Variants in FAM178B observed in about 807,000 individuals in gnomAD.
FAM178B encodes family with sequence similarity 178 member B.
FAM178B carries 82 observed loss-of-function variants against 91.7 expected under a neutral mutation model. That is an observed-to-expected ratio of 0.89 (90% confidence interval 0.75 to 1.07). The LOEUF (loss-of-function observed/expected upper bound fraction) is 1.07. FAM178B is among the 50% of genes least tolerant of loss of function. FAM178B has a pLI of 0.00. For synonymous variants in FAM178B, 368 were observed against 359.4 expected, an observed-to-expected ratio of 1.02 and a Z score of -0.27; for missense variants, 769 against 846.7, an observed-to-expected ratio of 0.91 and a Z score of 1.14.
rs1471497373 is a variant in FAM178B, at chr2:96,986,366, G to A, written c.-53C>T. On this transcript the variant is annotated 5_prime_UTR_variant, in exon 1 of 17. Coordinates refer to ENST00000490605, the MANE Select transcript of FAM178B (RefSeq NM_001122646.3). ...GAGGGAGGGTGGCGGGAATTCGCAC[G>A]GCCTCAGAGGACGGGGCCAGCTAGC... 8 of 1,521,058 alleles carry A rather than the reference G, an allele frequency of 5.3e-6. No homozygotes were observed. Among genetic ancestry groups the A allele is most frequent in the Non-Finnish European group, 7.0e-6 (8 of 1,140,682 alleles). The allele number at this position is 1,521,058 out of a possible 1,614,324, so 94.2% of individuals were successfully genotyped here.
chr2:96,958,065 ATCTTT>A (rs2082025098), intron 6 of FAM178B, among the ~76,000 whole-genome samples: 2 of 134,354 alleles, frequency 1.5e-5, no homozygotes, highest in South Asian at 5.1e-4. Context: ...GATTTGAAGA[ATCTTT>A]TTTTTTTTTT....
chr2:96,951,493 C>G lies in FAM178B; in HGVS notation c.888-9G>C. On this transcript the variant is annotated splice_polypyrimidine_tract_variant and intron_variant, in intron 6 of 16. Transcript: ENST00000490605. The stretch of plus-strand genomic sequence containing the variant: ...GTTGGGCTGGCGGGGAGCTGGGAGG[C>G]AGAGGGCTGAGGTTAGGGGAGGCCT... 1 of 1,549,122 alleles carries G rather than the reference C, an allele frequency of 6.5e-7. No homozygotes were observed. Among genetic ancestry groups the G allele is most frequent in the Non-Finnish European group, 8.7e-7 (1 of 1,145,346 alleles).
chr2:96,904,024 C>T (rs1379024318), intron 12 of FAM178B, among the ~76,000 whole-genome samples: 5 of 152,022 alleles, frequency 3.3e-5, no homozygotes, highest in Admixed American at 1.3e-4. Context: ...CTGGTGGGGG[C>T]GCAGGGTTAT....
intron 14 of FAM178B, among the ~76,000 whole-genome samples, chr2:96,891,915 C>T (rs949222135): frequency 2.6e-5 from 4 of 152,166 alleles, no homozygotes; most frequent in Admixed American, 6.5e-5. Context: ...CAGGCTGGGC[C>T]GCCTCAGGTC....
rs188235711 is a variant in FAM178B at position 96,888,399 on chromosome 2, C to T, written c.1776+5527G>A. ...CCAGGTGGGAAGGCAGAGAGCATGGCGAGAATGGAGAAAGAGGCTCCACCT... is the reference window on the plus strand; with the variant it reads ...CCAGGTGGGAAGGCAGAGAGCATGGTGAGAATGGAGAAAGAGGCTCCACCT... On this transcript the variant is annotated intron_variant, in intron 14 of 16. Transcript: ENST00000490605. Among the ~76,000 whole-genome samples the T allele has an allele frequency of 2.0e-3, 308 of 152,332 alleles. 6 individuals carry two copies. The highest frequency in any genetic ancestry group is 2.3e-3 in the Admixed American group (35 of 15,296).
chr2:96,976,526 A>G (rs2153376111), intron 1 of FAM178B, among the ~76,000 whole-genome samples: 1 of 152,168 alleles, frequency 6.6e-6, no homozygotes. Context: ...AAATATCCAC[A>G]GCAGCATTAT....
At chr2:96,950,645 T>C (rs1295130368) in intron 7 of FAM178B, among the ~76,000 whole-genome samples, 3 of 152,212 alleles carry the variant, frequency 2.0e-5, no homozygotes, top group Non-Finnish European at 2.9e-5. Context: ...TCCTTATGCC[T>C]GGCATTCAGA....
intron 1 of FAM178B, among the ~76,000 whole-genome samples, chr2:96,979,963 A>G (rs1326876096): frequency 6.6e-6 from 1 of 152,204 alleles, no homozygotes; most frequent in East Asian, 1.9e-4. Context: ...TTATCCTCCT[A>G]CTAGCCACAT....
intron 8 of FAM178B, among the ~76,000 whole-genome samples, chr2:96,940,420 G>A (rs570615504): frequency 5.3e-5 from 8 of 152,204 alleles, no homozygotes; most frequent in Non-Finnish European, 1.2e-4. Context: ...CCACAAGAGA[G>A]GCAGATCGGG....
At chr2:96,892,617 G>A (rs1284852596) in intron 14 of FAM178B, among the ~76,000 whole-genome samples, 1 of 152,188 alleles carries the variant, frequency 6.6e-6, no homozygotes, top group Non-Finnish European at 1.5e-5. Context: ...GATAGCCTCT[G>A]TACCAGAGTG....
chr2:96,972,702 G>A (rs911157067), intron 1 of FAM178B, 96 bp from the exon 2 acceptor site: 111 of 1,172,096 alleles, frequency 9.5e-5, no homozygotes, highest in Non-Finnish European at 1.3e-4. Flanking sequence ...TGGGCCCACT[G>A]TGCCCAAGAG....
chr2:96,944,564 C>T (rs931298829), intron 8 of FAM178B, among the ~76,000 whole-genome samples: 2 of 152,158 alleles, frequency 1.3e-5, no homozygotes, highest in African/African-American at 4.8e-5. Flanking sequence ...CATTCTGCAA[C>T]CCGGAGAGGA....
At chr2:96,878,561 C>T in intron 14 of FAM178B, 68 bp from the exon 15 acceptor site, 1 of 1,410,680 alleles carries the variant, frequency 7.1e-7, no homozygotes, top group Admixed American at 1.7e-5. Flanking sequence ...TGCCCTCCAC[C>T]TGCACACTCC....
intron 8 of FAM178B, among the ~76,000 whole-genome samples, chr2:96,933,088 C>T (rs2081568243): frequency 7.2e-6 from 1 of 138,274 alleles, no homozygotes; most frequent in South Asian, 2.4e-4. Context: ...ACTAAAAATA[C>T]AAAAATTAGC....
intron 1 of FAM178B, among the ~76,000 whole-genome samples, chr2:96,981,101 GA>G (rs1553511778): frequency 6.6e-6 from 1 of 152,122 alleles, no homozygotes; most frequent in Non-Finnish European, 1.5e-5. Flanking sequence ...AAGTAGCTGG[GA>G]TTACAGGCAC....
chr2:96,977,357 C>T (rs1376188517), intron 1 of FAM178B, among the ~76,000 whole-genome samples: 1 of 145,610 alleles, frequency 6.9e-6, no homozygotes, highest in Non-Finnish European at 1.5e-5. Flanking sequence ...TGCACTCTGG[C>T]CTGGGCGACA....
chr2:96,924,286 C>T (rs1369532911), intron 9 of FAM178B, among the ~76,000 whole-genome samples: 1 of 152,220 alleles, frequency 6.6e-6, no homozygotes, highest in Non-Finnish European at 1.5e-5. Context: ...AAGTGCACCA[C>T]GTGGTAGCTG....
chr2:96,966,255 GC>G (rs1393895978), intron 5 of FAM178B, among the ~76,000 whole-genome samples: 2 of 151,876 alleles, frequency 1.3e-5, no homozygotes, highest in Non-Finnish European at 2.9e-5. Flanking sequence ...TGCTCACAAG[GC>G]CTTCCCTGAG....
In FAM178B at chr2:96,967,629, T is replaced by C. The variant is rs1226713866; in HGVS notation, c.627-2A>G. On this transcript the variant is annotated splice_acceptor_variant, in intron 4 of 16. Coordinates refer to ENST00000490605, the MANE Select transcript of FAM178B (RefSeq NM_001122646.3). LOFTEE classifies it high-confidence loss of function. ...CGCTCCTGCTCCAGGGCCTGTTCCC[T>C]ATAGGAAGTCGAGGGCCAGAGCCGG... The C allele has an allele frequency of 1.3e-6, 2 of 1,545,446 alleles. No homozygotes were observed. Among genetic ancestry groups the C allele is most frequent in the African/African-American group, 1.4e-5 (1 of 72,966 alleles).
Sources: allele counts gnomAD v4.1 joint callset (sites outside exome capture counted in the v4.1 genomes callset), GRCh38; gene constraint gnomAD v4.1.1; transcripts MANE v1.5; gene names NCBI Gene and HGNC (gene_info 2026-07-23, HGNC 2026-07-21).